UTP23: variants seen among roughly 807,000 people sequenced by gnomAD.
UTP23 encodes UTP23 small subunit processome component.
A neutral mutation model predicts 19.8 loss-of-function variants in UTP23; 10 were observed. The ratio of observed to expected loss-of-function variants is 0.50; its 90% CI spans 0.31 to 0.86. UTP23 has a LOEUF of 0.86. Among genes scored for constraint, UTP23 ranks in the 40% least tolerant of loss-of-function variants. The pLI, the probability that UTP23 is intolerant of heterozygous loss-of-function variation, is 0.05. For synonymous variants in UTP23, 108 were observed against 105.4 expected (o/e 1.02, Z -0.15); for missense variants, 282 against 293.1 (o/e 0.96, Z 0.28).
At chr8:116,770,519 T>G (rs1415726586) in intron 2 of UTP23, 153 bp downstream of exon 2, 1 of 677,238 alleles carries the variant, frequency 1.5e-6, no homozygotes, top group Non-Finnish European at 2.2e-6. Flanking sequence ...AATTGTCATT[T>G]GAGAATTTGA....
At position 116,772,076 on chromosome 8, in the gene UTP23, G is replaced by A. The variant is rs1023000042; in HGVS notation, c.*234G>A. The A allele has an allele frequency of 2.1e-5, 24 of 1,134,658 alleles. No homozygotes were observed. The highest frequency in any genetic ancestry group is 2.5e-5 in the Non-Finnish European group (23 of 920,948). 70.3% of individuals were successfully genotyped at this position (1,134,658 alleles called of 1,614,324 possible). A position where few individuals can be genotyped will look rare whatever the true frequency, so the allele number is the denominator to read the frequency against. ...GCACAGTTGTAATTCCAGCTACTCAGGAGGCTGAGGCATGAGAATCGCTTG... is the reference window on the plus strand; with the variant it reads ...GCACAGTTGTAATTCCAGCTACTCAAGAGGCTGAGGCATGAGAATCGCTTG... On this transcript the variant is annotated 3_prime_UTR_variant, in exon 3 of 3. Coordinates refer to ENST00000309822, the MANE Select transcript of UTP23 (RefSeq NM_032334.3).
chr8:116,773,898 A>G lies in UTP23; in HGVS notation c.*2056A>G, dbSNP rs770302511. ...TAAAATTACTTTAAAAGATATTTTA[A>G]CAAAAGTCTCATATCCTTGTACTTC... On this transcript the variant is annotated 3_prime_UTR_variant, in exon 3 of 3. Transcript: ENST00000309822. The G allele has an allele frequency of 3.1e-6, 3 of 958,336 alleles. No homozygotes were observed. Among genetic ancestry groups the G allele is most frequent in the Non-Finnish European group, 3.7e-6 (3 of 805,328 alleles). 59.4% of individuals were successfully genotyped at this position (958,336 alleles called of 1,614,324 possible). A position where few individuals can be genotyped will look rare whatever the true frequency, so the allele number is the denominator to read the frequency against.
At position 116,771,950 on chromosome 8, in the gene UTP23, T is replaced by G; in HGVS notation, c.*108T>G. ...TATTTTTGTAAATGAACCCATATGCTTTAGCTAAAATTAATTATAAAATAA... is the reference window on the plus strand; with the variant it reads ...TATTTTTGTAAATGAACCCATATGCGTTAGCTAAAATTAATTATAAAATAA... On this transcript the variant is annotated 3_prime_UTR_variant, in exon 3 of 3. Coordinates refer to ENST00000309822, the MANE Select transcript of UTP23 (RefSeq NM_032334.3). 1 of 1,447,886 alleles carries G rather than the reference T, an allele frequency of 6.9e-7. No homozygotes were observed. Among genetic ancestry groups the G allele is most frequent in the South Asian group, 1.6e-5 (1 of 61,666 alleles). The allele number at this position is 1,447,886 out of a possible 1,614,324, so 89.7% of individuals were successfully genotyped here.
rs1370098564 is a variant in UTP23 at position 116,774,224 on chromosome 8, T to A, written c.*2382T>A. The A allele has an allele frequency of 1.0e-6, 1 of 985,292 alleles. No homozygotes were observed. Among genetic ancestry groups the A allele is most frequent in the Non-Finnish European group, 1.2e-6 (1 of 829,942 alleles). The allele number at this position is 985,292 out of a possible 1,614,324, so 61.0% of individuals were successfully genotyped here. On this transcript the variant is annotated 3_prime_UTR_variant, in exon 3 of 3. Transcript: ENST00000309822. Reference sequence around the variant, plus strand: ...AACACTTAAAAATAAGTGTTTGCAGTTGTGTATGGGCACGATACTGTATTC... The same window carrying A: ...AACACTTAAAAATAAGTGTTTGCAGATGTGTATGGGCACGATACTGTATTC...
Position 116,772,055 on chromosome 8 carries a change from A to G in UTP23, c.*213A>G. ...AAATTAGCTGGGCATGATGGTGCAC[A>G]GTTGTAATTCCAGCTACTCAGGAGG... On this transcript the variant is annotated 3_prime_UTR_variant, in exon 3 of 3. Coordinates refer to ENST00000309822, the MANE Select transcript of UTP23 (RefSeq NM_032334.3). 12 of 1,193,102 alleles carry G rather than the reference A, an allele frequency of 1.0e-5. No individual in the cohort carries two copies. Among genetic ancestry groups the G allele is most frequent in the Non-Finnish European group, 1.3e-5 (12 of 958,156 alleles). The allele number at this position is 1,193,102 out of a possible 1,614,324, so 73.9% of individuals were successfully genotyped here.
At position 116,773,830 on chromosome 8, in the gene UTP23, T is replaced by C. The variant is rs1815690879; in HGVS notation, c.*1988T>C. ...TCTCAAAAATAAATAAATAAATAAG[T>C]TTACTATTTTAAAACTGGTTAATCA... On this transcript the variant is annotated 3_prime_UTR_variant, in exon 3 of 3. Coordinates refer to ENST00000309822, the MANE Select transcript of UTP23 (RefSeq NM_032334.3). 1.3e-6 allele frequency: 1 copy of C among 751,296 alleles called. No homozygotes were observed. Among genetic ancestry groups the C allele is most frequent in the Non-Finnish European group, 1.6e-6 (1 of 616,558 alleles). 46.5% of individuals were successfully genotyped at this position (751,296 alleles called of 1,614,324 possible).
At chr8:116,767,657 T>C (rs755610706) in intron 1 of UTP23, among the ~76,000 whole-genome samples, 1 of 152,204 alleles carries the variant, frequency 6.6e-6, no homozygotes, top group South Asian at 2.1e-4. Context: ...TGGAGACCTC[T>C]TCACACGAAA....
At chr8:116,769,341 A>G (rs1232861131) in intron 1 of UTP23, among the ~76,000 whole-genome samples, 2 of 152,144 alleles carry the variant, frequency 1.3e-5, no homozygotes, top group African/African-American at 4.8e-5. Flanking sequence ...ACTGAGATAG[A>G]TAGGTTGAGC....
chr8:116,772,884 A>G lies in UTP23; in HGVS notation c.*1042A>G. The G allele has an allele frequency of 2.0e-6, 2 of 985,466 alleles. No homozygotes were observed. Among genetic ancestry groups the G allele is most frequent in the Middle Eastern group, 5.2e-4 (1 of 1,914 alleles). The allele number at this position is 985,466 out of a possible 1,614,324, so 61.0% of individuals were successfully genotyped here. A position where few individuals can be genotyped will look rare whatever the true frequency, so the allele number is the denominator to read the frequency against. ...TGTTTTTGTACTACAAGATGGAAGTATAAAATTATTGGACAAGTGAAATCG... is the reference window on the plus strand; with the variant it reads ...TGTTTTTGTACTACAAGATGGAAGTGTAAAATTATTGGACAAGTGAAATCG... On this transcript the variant is annotated 3_prime_UTR_variant, in exon 3 of 3. Transcript: ENST00000309822.
rs752184999 is a variant in UTP23 at position 116,773,917 on chromosome 8, G to A, written c.*2075G>A. The A allele has an allele frequency of 1.7e-4, 164 of 980,900 alleles. No individual in the cohort carries two copies. The highest frequency in any genetic ancestry group is 1.9e-4 in the Non-Finnish European group (159 of 826,030). The allele number at this position is 980,900 out of a possible 1,614,324, so 60.8% of individuals were successfully genotyped here. A position where few individuals can be genotyped will look rare whatever the true frequency, so the allele number is the denominator to read the frequency against. On this transcript the variant is annotated 3_prime_UTR_variant, in exon 3 of 3. Transcript: ENST00000309822. Reference sequence around the variant, plus strand: ...ATTTTAACAAAAGTCTCATATCCTTGTACTTCAGTTTTTTTGTGTGTGAAT... The same window carrying A: ...ATTTTAACAAAAGTCTCATATCCTTATACTTCAGTTTTTTTGTGTGTGAAT...
rs750678079 is a variant in UTP23 at position 116,766,671 on chromosome 8, G to A, written c.68G>A (p.Arg23His). The A allele has an allele frequency of 1.9e-6, 3 of 1,610,450 alleles. No individual in the cohort carries two copies. Among genetic ancestry groups the A allele is most frequent in the South Asian group, 2.2e-5 (2 of 90,746 alleles). ...TTCTTCCGCAACAACTTCGGAGTCC[G>A]CGAGCCGTACCAGATCCTGCTGGAC... ...LGFFRNNFGVREPYQILLDGT... is the reference protein window; with the variant it reads ...LGFFRNNFGVHEPYQILLDGT... Residue 23 changes from arginine to histidine, a missense_variant, in exon 1 of 3, where the codon CGC (arginine) becomes CAC (histidine). By Grantham distance (29) the Arg-to-His change is conservative (BLOSUM62 0). Transcript: ENST00000309822.
intron 1 of UTP23, among the ~76,000 whole-genome samples, chr8:116,767,623 A>G (rs563978473): frequency 6.6e-6 from 1 of 152,202 alleles, no homozygotes; most frequent in African/African-American, 2.4e-5. Context: ...TTTGAATGAC[A>G]GAAAAGAATG....
rs1022456895 is a variant in UTP23, at chr8:116,772,539, T to C, written c.*697T>C. 1.0e-6 allele frequency: 1 copy of C among 984,938 alleles called. No homozygotes were observed. Among genetic ancestry groups the C allele is most frequent in the Non-Finnish European group, 1.2e-6 (1 of 829,568 alleles). 61.0% of individuals were successfully genotyped at this position (984,938 alleles called of 1,614,324 possible). ...TTGCCCATTTATACTGCACCATTTT[T>C]CCAGTATATGAATATTTTACTCTTT... On this transcript the variant is annotated 3_prime_UTR_variant, in exon 3 of 3. Coordinates refer to ENST00000309822, the MANE Select transcript of UTP23 (RefSeq NM_032334.3).
chr8:116,771,975 A>G lies in UTP23; in HGVS notation c.*133A>G. ...TTTAGCTAAAATTAATTATAAAATA[A>G]AAACAGTGACCAGTCTAGCCAGCAT... On this transcript the variant is annotated 3_prime_UTR_variant, in exon 3 of 3. Coordinates refer to ENST00000309822, the MANE Select transcript of UTP23 (RefSeq NM_032334.3). 7.0e-7 allele frequency: 1 copy of G among 1,420,568 alleles called. No homozygotes were observed. Among genetic ancestry groups the G allele is most frequent in the Non-Finnish European group, 9.1e-7 (1 of 1,096,830 alleles). The allele number at this position is 1,420,568 out of a possible 1,614,324, so 88.0% of individuals were successfully genotyped here. A position where few individuals can be genotyped will look rare whatever the true frequency, so the allele number is the denominator to read the frequency against.
chr8:116,767,964 A>G (rs1376842476), intron 1 of UTP23, among the ~76,000 whole-genome samples: 1 of 152,160 alleles, frequency 6.6e-6, no homozygotes, highest in Admixed American at 6.5e-5. Flanking sequence ...CACACTTGTA[A>G]TCCTAGTAGC....
At position 116,773,542 on chromosome 8, in the gene UTP23, T is replaced by G. The variant is rs1815686601; in HGVS notation, c.*1700T>G. 2.1e-6 allele frequency: 2 copies of G among 974,750 alleles called. No homozygotes were observed. Among genetic ancestry groups the G allele is most frequent in the Non-Finnish European group, 2.4e-6 (2 of 820,266 alleles). 60.4% of individuals were successfully genotyped at this position (974,750 alleles called of 1,614,324 possible). ...AGTTTAATATTTTGACAGGGCATGG[T>G]GGCTCACACCTGTAATCCCAGCACT... is the stretch of plus-strand genomic sequence containing the variant. On this transcript the variant is annotated 3_prime_UTR_variant, in exon 3 of 3. Transcript: ENST00000309822.
At chr8:116,770,086 A>G in intron 1 of UTP23, 106 bp from the exon 2 acceptor site, 1 of 1,140,006 alleles carries the variant, frequency 8.8e-7, no homozygotes, top group Non-Finnish European at 1.2e-6. Context: ...CCAGATGACA[A>G]ATTTAGATTG....
Position 116,774,483 on chromosome 8 carries a change from A to T in UTP23, c.*2641A>T. On this transcript the variant is annotated 3_prime_UTR_variant, in exon 3 of 3. Transcript: ENST00000309822. ...AAAATGTTTTAAAAAATGTTTGCTTACTATCTATATATATGACATTATTCC... is the reference window on the plus strand; with the variant it reads ...AAAATGTTTTAAAAAATGTTTGCTTTCTATCTATATATATGACATTATTCC... 1 of 924,712 alleles carries T rather than the reference A, an allele frequency of 1.1e-6. No individual in the cohort carries two copies. Among genetic ancestry groups the T allele is most frequent in the Non-Finnish European group, 1.3e-6 (1 of 774,720 alleles). The allele number at this position is 924,712 out of a possible 1,614,324, so 57.3% of individuals were successfully genotyped here.
Position 116,770,345 on chromosome 8 carries a change from T to C in UTP23, c.342T>C (p.His114=). The change falls in exon 2 of 3, where the codon CAT becomes CAC. Residue 114 remains histidine (H), a synonymous_variant. Transcript: ENST00000309822. ...CCATGGTTGAAGAGGGAAATCCTCATCATTATTTTGTGGCAACACAGGTGA... is the reference window on the plus strand; with the variant it reads ...CCATGGTTGAAGAGGGAAATCCTCACCATTATTTTGTGGCAACACAGGTGA... ...LLSMVEEGNP[H]HYFVATQDQN... The C allele has an allele frequency of 6.2e-7, 1 of 1,611,796 alleles. No homozygotes were observed. The highest frequency in any genetic ancestry group is 8.5e-7 in the Non-Finnish European group (1 of 1,178,210).
Sources: gnomAD v4.1 joint callset for allele counts (sites outside exome capture counted in the v4.1 genomes callset) on GRCh38, gnomAD v4.1.1 for gene constraint, MANE v1.5 for transcripts, NCBI Gene and HGNC (gene_info 2026-07-23, HGNC 2026-07-21) for gene names.